GRID1: variants seen among roughly 807,000 people sequenced by gnomAD.
The protein encoded by GRID1 is glutamate receptor ionotropic, delta-1.
GRID1 carries 28 observed loss-of-function variants against 98.0 expected under a neutral mutation model. The observed-to-expected ratio is 0.29, with a 90% CI of 0.21 to 0.39. GRID1 has a LOEUF of 0.39. Ranked by LOEUF, GRID1 falls within the 10% of genes least tolerant of loss-of-function variation. The pLI, the probability that GRID1 is intolerant of heterozygous loss-of-function variation, is 1.00. For synonymous variants in GRID1, 553 were observed against 538.5 expected (o/e 1.03, Z -0.37); for missense variants, 1,111 against 1,340.5 (o/e 0.83, Z 2.67).
rs1053778480 is a variant in GRID1 at position 85,963,712 on chromosome 10, C to T, written c.727-47473G>A. Among the ~76,000 whole-genome samples the T allele has an allele frequency of 2.6e-5, 4 of 152,200 alleles. No homozygotes were observed. The South Asian group carries it at 6.2e-4, about 24-fold the overall frequency. On this transcript the variant is annotated intron_variant, in intron 4 of 15. Transcript: ENST00000327946. The stretch of plus-strand genomic sequence containing the variant: ...AAAGGTAGATATAGCCACTACATTC[C>T]TTGAGCCATTACTTCACCCTGGTCA...
chr10:85,664,315 C>A (rs1328277893), intron 12 of GRID1, among the ~76,000 whole-genome samples: 1 of 151,976 alleles, frequency 6.6e-6, no homozygotes, highest in Non-Finnish European at 1.5e-5. Context: ...AATGAGGAAC[C>A]CAGGCATATG....
intron 2 of GRID1, among the ~76,000 whole-genome samples, chr10:86,264,210 C>T (rs1847067228): frequency 2.0e-5 from 3 of 152,104 alleles, no homozygotes; most frequent in Admixed American, 2.0e-4. Flanking sequence ...ACAGGTGAGA[C>T]CCATGACCCT....
At chr10:86,355,285 C>T (rs1030944830) in intron 2 of GRID1, among the ~76,000 whole-genome samples, 1 of 152,244 alleles carries the variant, frequency 6.6e-6, no homozygotes, top group Non-Finnish European at 1.5e-5. Context: ...AGCTCCTGGA[C>T]ACCCCACGGA....
At chr10:85,911,237 G>C (rs186915870) in intron 5 of GRID1, among the ~76,000 whole-genome samples, 3 of 152,314 alleles carry the variant, frequency 2.0e-5, no homozygotes, top group Admixed American at 2.0e-4. Flanking sequence ...GATGGGGACA[G>C]TGGTCTCTGA....
chr10:85,903,078 A>G (rs776676044), intron 5 of GRID1, among the ~76,000 whole-genome samples: 26 of 152,012 alleles, frequency 1.7e-4, no homozygotes, highest in Non-Finnish European at 3.4e-4. Context: ...AATATCCCCT[A>G]TATGCAGATG....
chr10:85,944,300 G>T (rs1274308144), intron 4 of GRID1, among the ~76,000 whole-genome samples: 1 of 152,184 alleles, frequency 6.6e-6, no homozygotes, highest in Non-Finnish European at 1.5e-5. Flanking sequence ...AACAAAAATA[G>T]CTAATAAACA....
intron 8 of GRID1, among the ~76,000 whole-genome samples, chr10:85,812,749 T>TCTCC (rs1400589811): frequency 2.6e-5 from 4 of 151,488 alleles, no homozygotes; most frequent in South Asian, 4.2e-4. Context: ...TCTCTCTCTC[T>TCTCC]CTCCCTCCCC....
chr10:85,935,783 A>C (rs1841917883), intron 4 of GRID1, among the ~76,000 whole-genome samples: 1 of 152,256 alleles, frequency 6.6e-6, no homozygotes, highest in South Asian at 2.1e-4. Flanking sequence ...ACAGAGGCAC[A>C]GAGCAATTCT....
At chr10:85,915,979 C>G (rs1186521862) in intron 5 of GRID1, among the ~76,000 whole-genome samples, 2 of 152,198 alleles carry the variant, frequency 1.3e-5, no homozygotes, top group African/African-American at 4.8e-5. Context: ...GGACCCAGGT[C>G]AGGATTCTTT....
chr10:86,142,504 A>AT (rs1286759132), intron 3 of GRID1, among the ~76,000 whole-genome samples: 5 of 152,220 alleles, frequency 3.3e-5, no homozygotes, highest in African/African-American at 1.2e-4. Context: ...TTAGAACACC[A>AT]GTGGTCCTCA....
chr10:85,832,070 G>C (rs546561556), intron 8 of GRID1, among the ~76,000 whole-genome samples: 2 of 152,030 alleles, frequency 1.3e-5, no homozygotes, highest in African/African-American at 4.8e-5. Flanking sequence ...TTTGTGCCAT[G>C]ATATTTGACA....
At chr10:86,051,020 G>A (rs996314091) in intron 4 of GRID1, among the ~76,000 whole-genome samples, 17 of 151,564 alleles carry the variant, frequency 1.1e-4, no homozygotes, top group African/African-American at 2.2e-4. Context: ...AGAGGTTGCC[G>A]TGAGCCAAGA....
intron 4 of GRID1, among the ~76,000 whole-genome samples, chr10:86,125,881 G>C (rs568744060): frequency 6.6e-6 from 1 of 152,282 alleles, no homozygotes; most frequent in South Asian, 2.1e-4. Flanking sequence ...TAAGAATATA[G>C]TATATAATAC....
chr10:86,121,367 A>C (rs201654837), intron 4 of GRID1, among the ~76,000 whole-genome samples: 1 of 148,368 alleles, frequency 6.7e-6, no homozygotes, highest in South Asian at 2.2e-4. Flanking sequence ...ATCACCACCA[A>C]CACCACCATC....
intron 2 of GRID1, among the ~76,000 whole-genome samples, chr10:86,269,689 T>G (rs1203937392): frequency 6.6e-6 from 1 of 152,198 alleles, no homozygotes; most frequent in Non-Finnish European, 1.5e-5. Context: ...TTCACTCCCC[T>G]TTAGTCTCAA....
At chr10:86,162,596 G>A (rs978166514) in intron 3 of GRID1, among the ~76,000 whole-genome samples, 2 of 152,180 alleles carry the variant, frequency 1.3e-5, no homozygotes, top group African/African-American at 4.8e-5. Flanking sequence ...AAAAACAGGG[G>A]TGTCCTGTGC....
At chr10:85,674,845 A>G (rs1841126605) in intron 12 of GRID1, among the ~76,000 whole-genome samples, 1 of 152,164 alleles carries the variant, frequency 6.6e-6, no homozygotes. Context: ...CCAAAGACTC[A>G]CTATGTCCTT....
intron 3 of GRID1, among the ~76,000 whole-genome samples, chr10:86,156,886 G>A (rs1309542898): frequency 2.0e-5 from 3 of 152,204 alleles, no homozygotes; most frequent in Admixed American, 6.5e-5. Flanking sequence ...GGAGAGAACA[G>A]TGGACAAGAG....
intron 2 of GRID1, among the ~76,000 whole-genome samples, chr10:86,293,675 A>G (rs1184349911): frequency 6.6e-6 from 1 of 152,172 alleles, no homozygotes; most frequent in East Asian, 1.9e-4. Flanking sequence ...ACCTGCATCC[A>G]CACCAACCTG....
Sources: allele counts gnomAD v4.1 joint callset (sites outside exome capture counted in the v4.1 genomes callset), GRCh38; gene constraint gnomAD v4.1.1; transcripts MANE v1.5; gene names NCBI Gene and HGNC (gene_info 2026-07-23, HGNC 2026-07-21).